The following ARHGEF18 variants were observed in gnomAD, a reference collection of about 807,000 sequenced individuals.
ARHGEF18 encodes the protein rho guanine nucleotide exchange factor 18.
ARHGEF18 carries 93 observed loss-of-function variants against 155.7 expected under a neutral mutation model. The observed-to-expected ratio is 0.60, with a 90% CI of 0.50 to 0.71. The LOEUF (loss-of-function observed/expected upper bound fraction) is 0.71, where lower values mean the gene tolerates loss of function less well. Among genes scored for constraint, ARHGEF18 ranks in the 30% least tolerant of loss-of-function variants. The probability of loss-of-function intolerance (pLI) is 0.00; values close to 1 mark genes in which losing one functional copy is unlikely to be tolerated. For synonymous variants in ARHGEF18, 742 were observed against 753.1 expected, an observed-to-expected ratio of 0.99 and a Z score of 0.24; for missense variants, 1,593 against 1,816.1, an observed-to-expected ratio of 0.88 and a Z score of 2.23.
downstream of ARHGEF18, among the ~76,000 whole-genome samples, chr19:7,472,677 TTTTG>T (rs753903460): frequency 1.3e-5 from 2 of 151,948 alleles, no homozygotes; most frequent in Admixed American, 6.6e-5. Flanking sequence ...GGGGTTTTGT[TTTTG>T]TTTTTGTTTC....
At chr19:7,458,198 G>T (rs1975967699) in intron 18 of ARHGEF18, among the ~76,000 whole-genome samples, 1 of 150,300 alleles carries the variant, frequency 6.7e-6, no homozygotes, top group Non-Finnish European at 1.5e-5. Flanking sequence ...GAGGTGGGAG[G>T]ATCACTTGAG....
In ARHGEF18 at chr19:7,362,050, A is replaced by G. The variant is rs1331596804; in HGVS notation, c.-110-731A>G. On this transcript the variant is annotated intron_variant, in intron 1 of 28. Coordinates refer to ENST00000668164, the MANE Select transcript of ARHGEF18 (RefSeq NM_001367823.1). ...GAAGGAGAAGGAGAAGGAGAAGGAGAAGGAGAAGGAGAAGGAGAAGGAGAA... is the reference window on the plus strand; with the variant it reads ...GAAGGAGAAGGAGAAGGAGAAGGAGGAGGAGAAGGAGAAGGAGAAGGAGAA... Among the ~76,000 whole-genome samples, 251 of 38,920 alleles carry G rather than the reference A, an allele frequency of 6.4e-3. 18 individuals are homozygous for G. In the East Asian group the frequency reaches 0.078, roughly 12 times the overall value. 25.5% of individuals were successfully genotyped at this position (38,920 alleles called of 152,430 possible). A position where few individuals can be genotyped will look rare whatever the true frequency, so the allele number is the denominator to read the frequency against.
chr19:7,422,491 ACCT>A (rs1288665829), intron 10 of ARHGEF18, among the ~76,000 whole-genome samples: 1 of 150,130 alleles, frequency 6.7e-6, no homozygotes, highest in African/African-American at 2.5e-5. Flanking sequence ...TCTTCTAATG[ACCT>A]CCTATTCATC....
intron 10 of ARHGEF18, among the ~76,000 whole-genome samples, chr19:7,400,905 G>A (rs958162257): frequency 1.3e-5 from 2 of 152,180 alleles, no homozygotes; most frequent in African/African-American, 2.4e-5. Context: ...AGTGTGGGAT[G>A]GAAGGAGGGG....
At chr19:7,361,235 G>A (rs111243690) in intron 1 of ARHGEF18, among the ~76,000 whole-genome samples, 1,744 of 152,164 alleles carry the variant, frequency 0.011, 23 homozygotes, top group African/African-American at 0.024. Flanking sequence ...CAGGAGTTCC[G>A]GACCAGCCTG....
intron 1 of ARHGEF18, among the ~76,000 whole-genome samples, chr19:7,358,312 A>G (rs12982175): frequency 7.0e-4 from 99 of 142,096 alleles, no homozygotes; most frequent in Non-Finnish European, 8.9e-4. Flanking sequence ...CATCCATCCA[A>G]CCATCCATCC....
chr19:7,468,877 C>T lies in ARHGEF18; in HGVS notation c.3533C>T (p.Pro1178Leu). 7 of 1,575,654 alleles carry T rather than the reference C, an allele frequency of 4.4e-6. No individual in the cohort carries two copies. The highest frequency in any genetic ancestry group is 6.0e-6 in the Non-Finnish European group (7 of 1,160,320). ...TTCAACGGGGAAGGGCTGGAGGGCCCTCGTGTGAGCATGCTGCCATCCGGC... is the reference window on the plus strand; with the variant it reads ...TTCAACGGGGAAGGGCTGGAGGGCCTTCGTGTGAGCATGCTGCCATCCGGC... Reference protein sequence around the residue: ...PSFNGEGLEGPRVSMLPSGVG... With the variant: ...PSFNGEGLEGLRVSMLPSGVG... The change falls in exon 27 of 29, where the codon CCT becomes CTT. Residue 1178 changes from proline to leucine, a missense_variant. Transcript: ENST00000668164.
intron 23 of ARHGEF18, 82 bp from the exon 24 acceptor site, chr19:7,466,836 A>AAAAAGAAAAAAAAAAAGG (rs1555729790): frequency 9.2e-7 from 1 of 1,085,984 alleles, no homozygotes; most frequent in African/African-American, 1.8e-5. Flanking sequence ...AGTTAAAAAA[A>AAAAAGAAAAAAAAAAAGG]AAGAAGAAGA....
chr19:7,404,458 T>TC (rs1491143638), intron 10 of ARHGEF18, among the ~76,000 whole-genome samples: 12 of 62,616 alleles, frequency 1.9e-4, no homozygotes, highest in Admixed American at 5.7e-4. Context: ...GATCTCTCTC[T>TC]TTTTTTTTTT....
chr19:7,349,020 C>T lies in ARHGEF18; in HGVS notation c.-332C>T, dbSNP rs1969096861. The T allele has an allele frequency of 6.6e-6, 1 of 152,336 alleles. No individual in the cohort carries two copies. Among genetic ancestry groups the T allele is most frequent in the South Asian group, 2.1e-4 (1 of 4,842 alleles). The allele number at this position is 152,336 out of a possible 1,614,324, so 9.4% of individuals were successfully genotyped here. A position where few individuals can be genotyped will look rare whatever the true frequency, so the allele number is the denominator to read the frequency against. On this transcript the variant is annotated 5_prime_UTR_variant, in exon 1 of 29. Coordinates refer to ENST00000668164, the MANE Select transcript of ARHGEF18 (RefSeq NM_001367823.1). The stretch of plus-strand genomic sequence containing the variant: ...CCCATCCTCTGGGCTCTTTTTAGGC[C>T]CCTAGATTGGCCTGCAGCTGGGAGC...
chr19:7,470,586 G>A lies in ARHGEF18; in HGVS notation c.*288G>A. The A allele has an allele frequency of 5.0e-6, 2 of 397,486 alleles. No homozygotes were observed. Among genetic ancestry groups the A allele is most frequent in the East Asian group, 7.1e-5 (2 of 27,978 alleles). The allele number at this position is 397,486 out of a possible 1,614,324, so 24.6% of individuals were successfully genotyped here. A position where few individuals can be genotyped will look rare whatever the true frequency, so the allele number is the denominator to read the frequency against. The stretch of plus-strand genomic sequence containing the variant: ...CCAGAACTAAACCAGGGAGCTGTCT[G>A]AAATCATAGCACCCCATCCGGGTGG... On this transcript the variant is annotated 3_prime_UTR_variant, in exon 29 of 29. Coordinates refer to ENST00000668164, the MANE Select transcript of ARHGEF18 (RefSeq NM_001367823.1). The surrounding 1 kb of genome is among the most constrained non-coding windows in gnomAD (Gnocchi z 5.9).
At chr19:7,380,170 C>G (rs1403813500) in intron 7 of ARHGEF18, among the ~76,000 whole-genome samples, 1 of 148,558 alleles carries the variant, frequency 6.7e-6, no homozygotes, top group Non-Finnish European at 1.5e-5. Context: ...AGAGCAAAAC[C>G]CTGTTTAAAA....
chr19:7,437,575 A>C (rs1974339261), intron 10 of ARHGEF18, among the ~76,000 whole-genome samples: 1 of 151,942 alleles, frequency 6.6e-6, no homozygotes, highest in Non-Finnish European at 1.5e-5. Context: ...TCTTCCTGTA[A>C]CATAGACAAG....
intron 10 of ARHGEF18, among the ~76,000 whole-genome samples, chr19:7,396,394 G>C (rs1403188505): frequency 6.6e-6 from 1 of 152,102 alleles, no homozygotes; most frequent in African/African-American, 2.4e-5. Flanking sequence ...GCAGGTGTCT[G>C]AGTGAATGAT....
At chr19:7,449,101 C>T (rs998082835) in intron 15 of ARHGEF18, among the ~76,000 whole-genome samples, 5 of 152,138 alleles carry the variant, frequency 3.3e-5, no homozygotes, top group Non-Finnish European at 5.9e-5. Context: ...ATGAAACCTC[C>T]GTCCACGGAC....
At chr19:7,358,976 T>C (rs1010677254) in intron 1 of ARHGEF18, among the ~76,000 whole-genome samples, 10 of 152,144 alleles carry the variant, frequency 6.6e-5, no homozygotes, top group Admixed American at 5.9e-4. Context: ...GCAAACCTTT[T>C]CTATAAAGAG....
chr19:7,464,041 T>C, intron 22 of ARHGEF18, 86 bp downstream of exon 22: 1 of 1,446,560 alleles, frequency 6.9e-7, no homozygotes, highest in Non-Finnish European at 9.2e-7. Flanking sequence ...TAGAACTTTC[T>C]TTTTTGTTGT....
At chr19:7,386,217 G>A (rs1418392572) in intron 10 of ARHGEF18, among the ~76,000 whole-genome samples, 4 of 144,584 alleles carry the variant, frequency 2.8e-5, no homozygotes, top group South Asian at 2.3e-4. Context: ...TTGTAGAGAC[G>A]GGCTCTTGCT....
At chr19:7,377,485 T>C (rs1405376320) in intron 5 of ARHGEF18, among the ~76,000 whole-genome samples, 1 of 152,154 alleles carries the variant, frequency 6.6e-6, no homozygotes, top group Non-Finnish European at 1.5e-5. Flanking sequence ...TCTGAGCCTC[T>C]GTGGCTTCCT....
Sources: allele counts gnomAD v4.1 joint callset (sites outside exome capture counted in the v4.1 genomes callset), GRCh38; gene constraint gnomAD v4.1.1; non-coding constraint Gnocchi (gnomAD v3.1); transcripts MANE v1.5; gene names NCBI Gene and HGNC (gene_info 2026-07-23, HGNC 2026-07-21).